Variants in PACRG observed in about 807,000 individuals in gnomAD.
PACRG encodes parkin coregulated gene protein.
PACRG carries 29 observed loss-of-function variants against 29.7 expected under a neutral mutation model. The ratio of observed to expected loss-of-function variants is 0.98; its 90% confidence interval spans 0.73 to 1.33. The LOEUF (loss-of-function observed/expected upper bound fraction) is 1.33, where lower values mean the gene tolerates loss of function less well. Ranked by LOEUF, PACRG falls within the 40% of genes most tolerant of loss-of-function variation. The probability of loss-of-function intolerance (pLI) is 0.00; values close to 1 mark genes in which losing one functional copy is unlikely to be tolerated. For synonymous variants in PACRG, 116 were observed against 118.7 expected, an observed-to-expected ratio of 0.98 and a Z score of 0.15; for missense variants, 279 against 316.2, an observed-to-expected ratio of 0.88 and a Z score of 0.89.
chr6:162,731,661 A>T (rs1322621674), intron 1 of PACRG, among the ~76,000 whole-genome samples: 8 of 152,116 alleles, frequency 5.3e-5, no homozygotes, highest in Non-Finnish European at 1.0e-4. Context: ...ACAAAAACAA[A>T]TCCAAAACAC....
At chr6:163,283,694 G>C (rs374972084) in intron 4 of PACRG, among the ~76,000 whole-genome samples, 1 of 151,782 alleles carries the variant, frequency 6.6e-6, no homozygotes. Context: ...CCAGCTACTC[G>C]GGAGGCTGAG....
chr6:162,936,460 ATAT>A (rs1381339683), intron 2 of PACRG, among the ~76,000 whole-genome samples: 1 of 152,218 alleles, frequency 6.6e-6, no homozygotes, highest in Non-Finnish European at 1.5e-5. Flanking sequence ...AAAGCTATTA[ATAT>A]AGTGATATAG....
At chr6:162,825,033 A>G (rs555717231) in intron 2 of PACRG, among the ~76,000 whole-genome samples, 1 of 152,318 alleles carries the variant, frequency 6.6e-6, no homozygotes, top group South Asian at 2.1e-4. Context: ...CAGGGAGTGC[A>G]GCTTGCTGAC....
At chr6:163,095,347 C>T (rs775921364) in intron 4 of PACRG, 256 of 985,162 alleles carry the variant, frequency 2.6e-4, no homozygotes, top group Non-Finnish European at 3.0e-4. Context: ...TCCCTGGTTG[C>T]GCCTGCCCGG....
At chr6:162,842,159 T>G (rs879410210) in intron 2 of PACRG, among the ~76,000 whole-genome samples, 3 of 150,416 alleles carry the variant, frequency 2.0e-5, no homozygotes, top group Non-Finnish European at 4.4e-5. Flanking sequence ...CTTGTTGACT[T>G]TCTATCTCGT....
At chr6:162,870,319 T>C (rs1792693765) in intron 2 of PACRG, among the ~76,000 whole-genome samples, 1 of 152,264 alleles carries the variant, frequency 6.6e-6, no homozygotes, top group Non-Finnish European at 1.5e-5. Flanking sequence ...ACTCTAACTT[T>C]TTTAACTTTT....
intron 4 of PACRG, among the ~76,000 whole-genome samples, chr6:163,241,591 G>A (rs1782510413): frequency 6.6e-6 from 1 of 152,168 alleles, no homozygotes; most frequent in Non-Finnish European, 1.5e-5. Context: ...TGAAAAGGCA[G>A]GGTACCAGGA....
At chr6:163,018,495 A>G (rs1385298953) in intron 2 of PACRG, among the ~76,000 whole-genome samples, 1 of 152,162 alleles carries the variant, frequency 6.6e-6, no homozygotes, top group East Asian at 1.9e-4. Context: ...TTCATATTGG[A>G]AAGTTATTAT....
chr6:163,035,623 G>T (rs1808101073), intron 2 of PACRG, among the ~76,000 whole-genome samples: 1 of 151,460 alleles, frequency 6.6e-6, no homozygotes, highest in Non-Finnish European at 1.5e-5. Flanking sequence ...TCCAGCCTGG[G>T]CGACAGAGTA....
At chr6:162,837,735 A>T (rs1184686218) in intron 2 of PACRG, among the ~76,000 whole-genome samples, 1 of 152,176 alleles carries the variant, frequency 6.6e-6, no homozygotes, top group Non-Finnish European at 1.5e-5. Context: ...CTGAAGGAGT[A>T]CATACACACC....
In PACRG at chr6:162,812,406, T is replaced by C. The variant is rs139791533; in HGVS notation, c.157-1741T>C. Among the ~76,000 whole-genome samples, 9 of 152,236 alleles carry C rather than the reference T, an allele frequency of 5.9e-5. No individual in the cohort carries two copies. The East Asian group carries it at 1.7e-3, about 29-fold the overall frequency. On this transcript the variant is annotated intron_variant, in intron 1 of 4. Transcript: ENST00000366888. The stretch of plus-strand genomic sequence containing the variant: ...CACATGCACATACATATTTGCACTA[T>C]ACACTGGCACTATTGCACATAATTT...
intron 1 of PACRG, among the ~76,000 whole-genome samples, chr6:162,751,284 G>GA (rs1200802032): frequency 6.6e-6 from 1 of 151,910 alleles, no homozygotes; most frequent in Non-Finnish European, 1.5e-5. Context: ...AATCAAAGAA[G>GA]AAAAAATTTC....
chr6:162,788,551 G>A (rs1784693429), intron 1 of PACRG, among the ~76,000 whole-genome samples: 1 of 152,162 alleles, frequency 6.6e-6, no homozygotes, highest in Non-Finnish European at 1.5e-5. Flanking sequence ...CTGGATGATA[G>A]GGAACAGTAT....
At chr6:163,154,023 C>T (rs1242667182) in intron 4 of PACRG, among the ~76,000 whole-genome samples, 4 of 152,134 alleles carry the variant, frequency 2.6e-5, no homozygotes, top group Non-Finnish European at 5.9e-5. Flanking sequence ...TATGTCTCTG[C>T]GGGAAGGGCA....
intron 1 of PACRG, among the ~76,000 whole-genome samples, chr6:162,786,092 C>T (rs1361217558): frequency 1.3e-5 from 2 of 152,200 alleles, no homozygotes; most frequent in African/African-American, 4.8e-5. Flanking sequence ...CCTGTTCCAC[C>T]ATAGTGTGTT....
intron 2 of PACRG, among the ~76,000 whole-genome samples, chr6:162,999,097 G>GA (rs901657117): frequency 7.9e-5 from 12 of 151,616 alleles, no homozygotes; most frequent in South Asian, 4.2e-4. Context: ...GAAAGAATAT[G>GA]AAAAAAAAGT....
chr6:162,746,717 T>C (rs867957609), intron 1 of PACRG, among the ~76,000 whole-genome samples: 1 of 152,210 alleles, frequency 6.6e-6, no homozygotes, highest in Non-Finnish European at 1.5e-5. Context: ...ACATAGGAGA[T>C]GCTCAGTAAG....
intron 1 of PACRG, among the ~76,000 whole-genome samples, chr6:162,808,494 A>G (rs1401713292): frequency 7.2e-5 from 11 of 152,334 alleles, no homozygotes; most frequent in Non-Finnish European, 1.3e-4. Flanking sequence ...TTCAAACTAT[A>G]TGATGAAGAC....
chr6:163,172,972 A>G (rs1459902822), intron 4 of PACRG, among the ~76,000 whole-genome samples: 1 of 152,240 alleles, frequency 6.6e-6, no homozygotes, highest in Non-Finnish European at 1.5e-5. Context: ...ATAATGGAAT[A>G]TTATATCACC....
Sources: gnomAD v4.1 joint callset for allele counts (sites outside exome capture counted in the v4.1 genomes callset) on GRCh38, gnomAD v4.1.1 for gene constraint, MANE v1.5 for transcripts, NCBI Gene and HGNC (gene_info 2026-07-23, HGNC 2026-07-21) for gene names.